SPECC1L: variants seen among roughly 807,000 people sequenced by gnomAD.
SPECC1L encodes cytospin-A.
Under a neutral mutation model 116.8 loss-of-function variants are expected in SPECC1L, and 40 were observed. The ratio of observed to expected loss-of-function variants is 0.34; its 90% CI spans 0.27 to 0.45. The LOEUF (loss-of-function observed/expected upper bound fraction) is 0.45, where lower values mean the gene tolerates loss of function less well. Ranked by LOEUF, SPECC1L falls within the 20% of genes least tolerant of loss-of-function variation. The pLI, the probability that SPECC1L is intolerant of heterozygous loss-of-function variation, is 1.00. For missense variants in SPECC1L, 1,110 were observed against 1,373.6 expected (o/e 0.81, Z 3.03); for synonymous variants, 504 against 500.6 (o/e 1.01, Z -0.09).
chr22:24,320,361 A>T (rs2040696612), intron 4 of SPECC1L, among the ~76,000 whole-genome samples: 1 of 152,204 alleles, frequency 6.6e-6, no homozygotes, highest in Admixed American at 6.5e-5. Context: ...TCACAGGTTT[A>T]AAATTTTAGT....
At chr22:24,389,895 A>G (rs1303698361) in intron 14 of SPECC1L, among the ~76,000 whole-genome samples, 1 of 152,134 alleles carries the variant, frequency 6.6e-6, no homozygotes, top group Non-Finnish European at 1.5e-5. Context: ...CCCTTAGGCC[A>G]CTACTCATTG....
intron 14 of SPECC1L, among the ~76,000 whole-genome samples, chr22:24,374,781 A>C (rs917129259): frequency 1.3e-5 from 2 of 152,184 alleles, no homozygotes; most frequent in Non-Finnish European, 2.9e-5. Context: ...TAATTTAAAA[A>C]AAAAGGAAGT....
At chr22:24,325,890 T>C (rs1455327231) in intron 6 of SPECC1L, among the ~76,000 whole-genome samples, 2 of 152,136 alleles carry the variant, frequency 1.3e-5, no homozygotes, top group Non-Finnish European at 2.9e-5. Context: ...AAGAAAACAA[T>C]TTTCAGCAAA....
chr22:24,383,520 A>G (rs1182582414), intron 14 of SPECC1L, among the ~76,000 whole-genome samples: 2 of 152,208 alleles, frequency 1.3e-5, no homozygotes, highest in Non-Finnish European at 2.9e-5. Context: ...CAGATATTGG[A>G]ACCCTTAGAT....
Position 24,358,157 on chromosome 22 carries a change from C to T in SPECC1L, c.2744-5104C>T, listed in dbSNP as rs554804944. On this transcript the variant is annotated intron_variant, in intron 11 of 16. Coordinates refer to ENST00000314328, the MANE Select transcript of SPECC1L (RefSeq NM_015330.6). Reference sequence around the variant, plus strand: ...TGAGGCAGAGTCTCACTCTGTCACCCAGGTTGGAGTGCAGTGGTGTGATCC... The same window carrying T: ...TGAGGCAGAGTCTCACTCTGTCACCTAGGTTGGAGTGCAGTGGTGTGATCC... Among the ~76,000 whole-genome samples, 131 of 150,012 alleles carry T rather than the reference C, an allele frequency of 8.7e-4. 2 individuals are homozygous for T. The South Asian group carries it at 0.027, about 31-fold the overall frequency.
intron 2 of SPECC1L, among the ~76,000 whole-genome samples, chr22:24,282,219 A>AGG (rs1164576626): frequency 6.6e-6 from 1 of 152,232 alleles, no homozygotes; most frequent in Non-Finnish European, 1.5e-5. Flanking sequence ...AGAGCAGTTT[A>AGG]GGGAGGGTCA....
intron 10 of SPECC1L, among the ~76,000 whole-genome samples, chr22:24,341,491 C>A (rs1351600278): frequency 6.6e-6 from 1 of 152,170 alleles, no homozygotes; most frequent in East Asian, 1.9e-4. Flanking sequence ...TATCATAGAA[C>A]TAAATACCCT....
intron 1 of SPECC1L, among the ~76,000 whole-genome samples, chr22:24,272,329 T>A (rs2048743745): frequency 6.6e-6 from 1 of 152,028 alleles, no homozygotes; most frequent in African/African-American, 2.4e-5. Flanking sequence ...CGCGCCACTG[T>A]ACCCCAGCCT....
chr22:24,408,028 C>G (rs1424166202), intron 14 of SPECC1L, among the ~76,000 whole-genome samples: 3 of 152,186 alleles, frequency 2.0e-5, no homozygotes, highest in African/African-American at 7.2e-5. Flanking sequence ...GTCTTGGCCT[C>G]TCGGAGCCTC....
At position 24,347,034 on chromosome 22, in the gene SPECC1L, G is replaced by A; in HGVS notation, c.2653-52G>A. 2.2e-6 allele frequency: 3 copies of A among 1,379,644 alleles called. No homozygotes were observed. In the South Asian group the frequency reaches 3.5e-5, roughly 16 times the overall value. 85.5% of individuals were successfully genotyped at this position (1,379,644 alleles called of 1,614,324 possible). ...ATCTACTCTGTGCGGCATTTACTTT[G>A]TGAGTCCAAACAGTCATTTTAACTT... On this transcript the variant is annotated intron_variant, in intron 10 of 16. Coordinates refer to ENST00000314328, the MANE Select transcript of SPECC1L (RefSeq NM_015330.6).
Position 24,414,633 on chromosome 22 carries a change from G to C in SPECC1L, c.*10G>C, listed in dbSNP as rs772720800. ...GTACTTTGAGACCTGAGCATGCCGG[G>C]AGGAGCCGCCCCAATAGCGGGGGTA... is the stretch of plus-strand genomic sequence containing the variant. On this transcript the variant is annotated 3_prime_UTR_variant, in exon 17 of 17. Transcript: ENST00000314328. 10 of 1,613,024 alleles carry C rather than the reference G, an allele frequency of 6.2e-6. No individual in the cohort carries two copies. In the Admixed American group the frequency reaches 1.7e-4, roughly 27 times the overall value.
chr22:24,393,137 A>G (rs2042303193), intron 14 of SPECC1L, among the ~76,000 whole-genome samples: 1 of 152,272 alleles, frequency 6.6e-6, no homozygotes, highest in African/African-American at 2.4e-5. Flanking sequence ...GATGGGGCAT[A>G]GGAGGCTTCT....
intron 14 of SPECC1L, among the ~76,000 whole-genome samples, chr22:24,377,712 C>A (rs776150820): frequency 3.3e-5 from 5 of 152,128 alleles, no homozygotes; most frequent in South Asian, 2.1e-4. Context: ...TTAATCTCCT[C>A]GTATCATCAT....
At chr22:24,309,810 A>G (rs917905343) in intron 3 of SPECC1L, among the ~76,000 whole-genome samples, 3 of 152,200 alleles carry the variant, frequency 2.0e-5, no homozygotes, top group African/African-American at 7.2e-5. Flanking sequence ...TTTGAAATAC[A>G]GTTAGTCTGT....
At chr22:24,378,596 T>G (rs1385001265) in intron 14 of SPECC1L, among the ~76,000 whole-genome samples, 1 of 152,210 alleles carries the variant, frequency 6.6e-6, no homozygotes, top group African/African-American at 2.4e-5. Flanking sequence ...CGAGTCTTCC[T>G]TTTACTTGAA....
intron 14 of SPECC1L, among the ~76,000 whole-genome samples, chr22:24,395,605 C>T (rs1212838326): frequency 6.6e-6 from 1 of 152,200 alleles, no homozygotes; most frequent in Non-Finnish European, 1.5e-5. Context: ...TGGGGATCCA[C>T]ACTTTTTATC....
chr22:24,306,247 T>A (rs1388687177), intron 3 of SPECC1L, among the ~76,000 whole-genome samples: 1 of 151,836 alleles, frequency 6.6e-6, no homozygotes, highest in African/African-American at 2.4e-5. Context: ...ATTTAGACCC[T>A]CTTCTATGAA....
chr22:24,283,224 G>T (rs1276214414), intron 2 of SPECC1L, among the ~76,000 whole-genome samples: 3 of 151,920 alleles, frequency 2.0e-5, no homozygotes, highest in African/African-American at 7.3e-5. Flanking sequence ...GACTACTGGC[G>T]CTGGCCACCA....
intron 14 of SPECC1L, among the ~76,000 whole-genome samples, chr22:24,405,838 C>CA (rs35648769): frequency 4.3e-4 from 58 of 136,460 alleles, no homozygotes; most frequent in Middle Eastern, 4.1e-3. Context: ...GACTCTGCCT[C>CA]AAAAAAAAAA....
Sources: gnomAD v4.1 joint callset for allele counts (sites outside exome capture counted in the v4.1 genomes callset) on GRCh38, gnomAD v4.1.1 for gene constraint, MANE v1.5 for transcripts, NCBI Gene and HGNC (gene_info 2026-07-23, HGNC 2026-07-21) for gene names.